GLRA2: variants seen among roughly 807,000 people sequenced by gnomAD.
GLRA2 encodes glycine receptor subunit alpha-2.
In GLRA2, 11 loss-of-function variants were observed where a neutral mutation model predicts 31.6. That is an observed-to-expected ratio of 0.35 (90% CI 0.22 to 0.58). The LOEUF (loss-of-function observed/expected upper bound fraction) is 0.58, where lower values mean the gene tolerates loss of function less well. Among genes scored for constraint, GLRA2 ranks in the 20% least tolerant of loss-of-function variants. GLRA2 has a pLI of 0.84. For missense variants in GLRA2, 212 were observed against 351.8 expected (o/e 0.60, Z 3.18); for synonymous variants, 132 against 134.0 (o/e 0.99, Z 0.10).
intron 7 of GLRA2, among the ~76,000 whole-genome samples, chrX:14,665,176 T>C (rs925514642): frequency 2.7e-5 from 3 of 112,017 alleles, no homozygotes; most frequent in African/African-American, 9.7e-5. Flanking sequence ...TGAGTATTGG[T>C]TTTATTAAAG....
the GLRA2 span, among the ~76,000 whole-genome samples, chrX:14,486,026 T>C: frequency 2.7e-5 from 3 of 111,798 alleles, no homozygotes; most frequent in African/African-American, 9.7e-5. Context: ...TATTCCAACA[T>C]TATAGTAATT....
intron 7 of GLRA2, among the ~76,000 whole-genome samples, chrX:14,627,408 C>T (rs150704933): frequency 1.3e-4 from 15 of 111,132 alleles, no homozygotes; most frequent in African/African-American, 4.6e-4. Context: ...TTCACTGGAC[C>T]CTAAACCCTA....
intron 7 of GLRA2, among the ~76,000 whole-genome samples, chrX:14,615,365 G>A (rs1158319165): frequency 8.9e-6 from 1 of 112,167 alleles, no homozygotes; most frequent in Non-Finnish European, 1.9e-5. Flanking sequence ...TCTGTGCCAT[G>A]CATTCTTCTA....
rs1278845047 is a variant in GLRA2, at chrX:14,655,030, A to G, written c.931-35680A>G. ...TGGGTCCCTCCCATAACATGTGGGA[A>G]TTATGGGAGCTACAATTCAAGATGA... is the stretch of plus-strand genomic sequence containing the variant. On this transcript the variant is annotated intron_variant, in intron 7 of 8. Transcript: ENST00000218075. 2.7e-5 allele frequency among the ~76,000 whole-genome samples: 3 copies of G among 111,573 alleles called. No homozygotes were observed. The Admixed American group carries it at 2.8e-4, about 11-fold the overall frequency.
chrX:14,461,591 A>G, the GLRA2 span, among the ~76,000 whole-genome samples: 2 of 111,163 alleles, frequency 1.8e-5, no homozygotes, highest in Admixed American at 9.6e-5. Flanking sequence ...TGATCCCTTT[A>G]CCATTATGTA....
the GLRA2 span, among the ~76,000 whole-genome samples, chrX:14,468,699 C>T: frequency 3.2e-4 from 36 of 111,719 alleles, 1 homozygote; most frequent in Non-Finnish European, 7.5e-5. Flanking sequence ...ATGGCTGGGT[C>T]AAATGGTATT....
At chrX:14,522,068 C>A in the GLRA2 span, among the ~76,000 whole-genome samples, 42 of 111,859 alleles carry the variant, frequency 3.8e-4, no homozygotes, top group Non-Finnish European at 7.0e-4. Context: ...CTATAGGGTG[C>A]AATGATGTTT....
intron 8 of GLRA2, among the ~76,000 whole-genome samples, chrX:14,721,668 T>C (rs1259736041): frequency 9.0e-6 from 1 of 111,480 alleles, no homozygotes; most frequent in Non-Finnish European, 1.9e-5. Context: ...TATATGATTT[T>C]TTCCCCTGAG....
intron 8 of GLRA2, among the ~76,000 whole-genome samples, chrX:14,716,484 G>C: frequency 8.9e-6 from 1 of 111,786 alleles, no homozygotes; most frequent in Non-Finnish European, 1.9e-5. Flanking sequence ...AGAGGCTGCA[G>C]AAAGGACTAC....
chrX:14,621,625 T>G (rs1377851134), intron 7 of GLRA2, among the ~76,000 whole-genome samples: 1 of 111,205 alleles, frequency 9.0e-6, no homozygotes, highest in Non-Finnish European at 1.9e-5. Flanking sequence ...TTGGTTTTCT[T>G]TCCTTATGAT....
chrX:14,680,559 AAAG>A (rs1208354217), intron 7 of GLRA2, among the ~76,000 whole-genome samples: 1 of 112,196 alleles, frequency 8.9e-6, no homozygotes, highest in Non-Finnish European at 1.9e-5. Context: ...TTAGCAGCTG[AAAG>A]AAGAGAATCT....
chrX:14,651,852 T>A (rs2090893567), intron 7 of GLRA2, among the ~76,000 whole-genome samples: 1 of 111,966 alleles, frequency 8.9e-6, no homozygotes, highest in African/African-American at 3.2e-5. Context: ...GATTTCTTGT[T>A]GAAACCCTAA....
intron 7 of GLRA2, among the ~76,000 whole-genome samples, chrX:14,638,342 T>C (rs1195982621): frequency 9.0e-6 from 1 of 111,489 alleles, no homozygotes; most frequent in East Asian, 2.8e-4. Flanking sequence ...TCATGGTATT[T>C]TTCCTTGCTT....
intron 7 of GLRA2, among the ~76,000 whole-genome samples, chrX:14,670,219 G>A (rs373226928): frequency 8.0e-4 from 89 of 111,686 alleles, no homozygotes; most frequent in African/African-American, 2.8e-3. Flanking sequence ...GGACCTTATT[G>A]TTCATATCAC....
At chrX:14,567,407 A>AT (rs1038039187) in intron 2 of GLRA2, among the ~76,000 whole-genome samples, 2 of 112,215 alleles carry the variant, frequency 1.8e-5, no homozygotes, top group African/African-American at 6.5e-5. Flanking sequence ...TCCTTTAATG[A>AT]TTTTTAAAAA....
the GLRA2 span, among the ~76,000 whole-genome samples, chrX:14,478,838 T>A: frequency 8.9e-6 from 1 of 112,320 alleles, no homozygotes; most frequent in African/African-American, 3.2e-5. Context: ...TGTTTACATA[T>A]CTATGCATTT....
intron 7 of GLRA2, among the ~76,000 whole-genome samples, chrX:14,661,669 C>T (rs905793479): frequency 9.1e-6 from 1 of 109,670 alleles, no homozygotes; most frequent in African/African-American, 3.3e-5. Flanking sequence ...CTCAGGAGTT[C>T]GAAACCAGCC....
chrX:14,660,802 G>A (rs768258370), intron 7 of GLRA2, among the ~76,000 whole-genome samples: 7 of 111,929 alleles, frequency 6.3e-5, no homozygotes, highest in South Asian at 3.7e-4. Context: ...TGGAGTTAGC[G>A]CCTACTTGAC....
chrX:14,643,316 G>C (rs1601794335), intron 7 of GLRA2, among the ~76,000 whole-genome samples: 1 of 111,743 alleles, frequency 8.9e-6, no homozygotes, highest in African/African-American at 3.3e-5. Flanking sequence ...GCTGATACAT[G>C]GGTGTTGCTT....
Sources: gnomAD v4.1 joint callset for allele counts (sites outside exome capture counted in the v4.1 genomes callset) on GRCh38, gnomAD v4.1.1 for gene constraint, MANE v1.5 for transcripts, NCBI Gene and HGNC (gene_info 2026-07-23, HGNC 2026-07-21) for gene names.